ZNF804B: variants seen among roughly 807,000 people sequenced by gnomAD.
ZNF804B encodes zinc finger 804B.
Under a neutral mutation model 101.4 loss-of-function variants are expected in ZNF804B, and 80 were observed. The ratio of observed to expected loss-of-function variants is 0.79; its 90% CI spans 0.66 to 0.95. ZNF804B has a LOEUF of 0.95. Ranked by LOEUF, ZNF804B falls within the 40% of genes least tolerant of loss-of-function variation. ZNF804B has a pLI of 0.00. For missense variants in ZNF804B, 1,673 were observed against 1,561.9 expected (o/e 1.07, Z -1.20); for synonymous variants, 622 against 558.8 (o/e 1.11, Z -1.59).
rs529736351 is a variant in ZNF804B, at chr7:88,895,590, C to T, written c.108+135506C>T. 4.6e-5 allele frequency among the ~76,000 whole-genome samples: 7 copies of T among 152,220 alleles called. No individual in the cohort carries two copies. In the South Asian group the frequency reaches 1.2e-3, roughly 27 times the overall value. On this transcript the variant is annotated intron_variant, in intron 1 of 3. Coordinates refer to ENST00000333190, the MANE Select transcript of ZNF804B (RefSeq NM_181646.5). The stretch of plus-strand genomic sequence containing the variant: ...CTTGGTTTCTAATACCATCCTCCAA[C>T]GAAAGAAACCAGCACTCCTTAGTGA...
chr7:88,786,043 T>C (rs1280904911), intron 1 of ZNF804B, among the ~76,000 whole-genome samples: 1 of 152,140 alleles, frequency 6.6e-6, no homozygotes, highest in Non-Finnish European at 1.5e-5. Context: ...GAAATTATGC[T>C]TATTTTGCTT....
intron 1 of ZNF804B, among the ~76,000 whole-genome samples, chr7:89,212,767 A>T (rs1337201446): frequency 6.6e-6 from 1 of 152,168 alleles, no homozygotes; most frequent in African/African-American, 2.4e-5. Context: ...GTGTAAATTT[A>T]TCTAGAAAAG....
At chr7:89,323,851 G>A (rs183963441) in intron 2 of ZNF804B, among the ~76,000 whole-genome samples, 10 of 152,160 alleles carry the variant, frequency 6.6e-5, no homozygotes, top group Admixed American at 5.2e-4. Context: ...CACCCTCAAA[G>A]AACATTTTCC....
intron 2 of ZNF804B, among the ~76,000 whole-genome samples, chr7:89,231,798 T>C (rs1193469849): frequency 1.3e-5 from 2 of 152,106 alleles, no homozygotes; most frequent in African/African-American, 4.8e-5. Context: ...CCTGTAATTT[T>C]GTTCAACTTG....
chr7:89,037,954 G>C (rs1216739897), intron 1 of ZNF804B, among the ~76,000 whole-genome samples: 1 of 152,102 alleles, frequency 6.6e-6, no homozygotes, highest in Non-Finnish European at 1.5e-5. Context: ...ATGTCTTACA[G>C]GTTCATTCAT....
At chr7:89,274,152 ATTTTC>A (rs1002886809) in intron 2 of ZNF804B, among the ~76,000 whole-genome samples, 9 of 132,788 alleles carry the variant, frequency 6.8e-5, no homozygotes, top group Non-Finnish European at 1.0e-4. Flanking sequence ...ATTTTATTTT[ATTTTC>A]TTTTTCTTTT....
chr7:89,006,158 AT>A (rs1160357635), intron 1 of ZNF804B, among the ~76,000 whole-genome samples: 4 of 151,990 alleles, frequency 2.6e-5, no homozygotes, highest in East Asian at 1.9e-4. Flanking sequence ...AAGCAAGGGC[AT>A]TTTTTTTCTA....
chr7:88,785,890 G>T (rs1790294845), intron 1 of ZNF804B, among the ~76,000 whole-genome samples: 1 of 152,050 alleles, frequency 6.6e-6, no homozygotes, highest in African/African-American at 2.4e-5. Context: ...TCTCTTAGAG[G>T]CATTCCTGAT....
rs370642285 is a variant in ZNF804B at position 89,155,365 on chromosome 7, G to C, written c.109-62790G>C. On this transcript the variant is annotated intron_variant, in intron 1 of 3. Coordinates refer to ENST00000333190, the MANE Select transcript of ZNF804B (RefSeq NM_181646.5). ...CAGCCTCTAATTTTATAAATGATAT[G>C]ATTTCTCATCCATAATATCTCATCT... is the stretch of plus-strand genomic sequence containing the variant. Among the ~76,000 whole-genome samples the C allele has an allele frequency of 1.4e-4, 22 of 152,052 alleles. 1 individual carries two copies. The highest frequency in any genetic ancestry group is 4.3e-4 in the African/African-American group (18 of 41,404).
intron 1 of ZNF804B, among the ~76,000 whole-genome samples, chr7:89,136,070 T>C (rs1031450587): frequency 6.6e-6 from 1 of 152,140 alleles, no homozygotes; most frequent in African/African-American, 2.4e-5. Context: ...CATCATGTCC[T>C]GAAAACTAAC....
intron 1 of ZNF804B, among the ~76,000 whole-genome samples, chr7:88,964,569 T>A (rs969203638): frequency 2.0e-5 from 3 of 151,300 alleles, no homozygotes; most frequent in Non-Finnish European, 4.4e-5. Context: ...GAGTTTCAAT[T>A]GGGAATGCTG....
At chr7:89,051,223 A>C (rs1169670942) in intron 1 of ZNF804B, among the ~76,000 whole-genome samples, 11 of 152,134 alleles carry the variant, frequency 7.2e-5, no homozygotes, top group Non-Finnish European at 1.6e-4. Flanking sequence ...TCAGTAAAAA[A>C]AAAATTCCAG....
chr7:89,093,884 G>T (rs1448318356), intron 1 of ZNF804B, among the ~76,000 whole-genome samples: 1 of 152,222 alleles, frequency 6.6e-6, no homozygotes, highest in East Asian at 1.9e-4. Context: ...ACCTGGAAGT[G>T]AGTTAGAACT....
chr7:88,854,427 C>CTTCCTTTCTTTCTTTCTTTCTTTCTTTT (rs1791505402), intron 1 of ZNF804B, among the ~76,000 whole-genome samples: 4 of 116,018 alleles, frequency 3.4e-5, no homozygotes, highest in African/African-American at 1.0e-4. Flanking sequence ...TTCTTTCTTT[C>CTTCCTTTCTTTCTTTCTTTCTTTCTTTT]TTTCTTTCTT....
intron 1 of ZNF804B, among the ~76,000 whole-genome samples, chr7:89,155,420 G>C (rs1055505611): frequency 2.0e-5 from 3 of 151,890 alleles, no homozygotes; most frequent in Admixed American, 6.6e-5. Flanking sequence ...TGTTCTCTTC[G>C]CTCAACATCT....
chr7:89,334,229 A>G lies in ZNF804B; in HGVS notation c.1247A>G (p.Lys416Arg), dbSNP rs770162032. Residue 416 changes from lysine (K) to arginine (R), a missense_variant, in exon 4 of 4, where the codon AAA becomes AGA. By Grantham distance (26) the Lys-to-Arg change is conservative (BLOSUM62 2). Transcript: ENST00000333190. ...RIENREKSLD[K>R]TERVSKNVQR... ...GAGAACAGAGAAAAATCTTTAGATA[A>G]AACAGAAAGAGTTAGCAAAAATGTT... 1.2e-6 allele frequency: 2 copies of G among 1,613,556 alleles called. No homozygotes were observed. Among genetic ancestry groups the G allele is most frequent in the Non-Finnish European group, 1.7e-6 (2 of 1,179,786 alleles).
intron 2 of ZNF804B, among the ~76,000 whole-genome samples, chr7:89,325,298 A>G (rs1343502005): frequency 6.6e-6 from 1 of 151,958 alleles, no homozygotes; most frequent in Admixed American, 6.6e-5. Flanking sequence ...TGTTCCTTAA[A>G]AACATTTTAA....
At chr7:88,791,734 T>C (rs899872287) in intron 1 of ZNF804B, among the ~76,000 whole-genome samples, 11 of 152,118 alleles carry the variant, frequency 7.2e-5, no homozygotes, top group African/African-American at 2.7e-4. Flanking sequence ...GAATAATAAG[T>C]GATACAAAGA....
intron 1 of ZNF804B, among the ~76,000 whole-genome samples, chr7:89,092,363 G>A (rs1048240722): frequency 2.8e-5 from 4 of 144,884 alleles, no homozygotes; most frequent in Non-Finnish European, 6.0e-5. Context: ...GGACACTTAC[G>A]TTATACTTTG....
Sources: gnomAD v4.1 joint callset for allele counts (sites outside exome capture counted in the v4.1 genomes callset) on GRCh38, gnomAD v4.1.1 for gene constraint, MANE v1.5 for transcripts, NCBI Gene and HGNC (gene_info 2026-07-23, HGNC 2026-07-21) for gene names.